RORA: variants seen among roughly 807,000 people sequenced by gnomAD.
RORA encodes nuclear receptor ROR-alpha.
A neutral mutation model predicts 69.5 loss-of-function variants in RORA; 7 were observed. The ratio of observed to expected loss-of-function variants is 0.10; its 90% CI spans 0.06 to 0.19. RORA has a LOEUF of 0.19. Among genes scored for constraint, RORA ranks in the 10% least tolerant of loss-of-function variants. The pLI is 1.00. For synonymous variants in RORA, 261 were observed against 240.8 expected (o/e 1.08, Z -0.78); for missense variants, 457 against 663.0 (o/e 0.69, Z 3.41).
At position 60,733,576 on chromosome 15, in the gene RORA, A is replaced by C. The variant is rs559050494; in HGVS notation, c.167-54890T>G. 2.0e-4 allele frequency among the ~76,000 whole-genome samples: 30 copies of C among 152,194 alleles called. 1 individual carries two copies. The highest frequency in any genetic ancestry group is 2.0e-3 in the Admixed American group (30 of 15,270). On this transcript the variant is annotated intron_variant, in intron 1 of 10. Coordinates refer to ENST00000335670, the MANE Select transcript of RORA (RefSeq NM_134261.3). Reference sequence around the variant, plus strand: ...AAGAGGATATTCCCCATGAATAAGTACTGAGGAAGAAAAAAGACCATGATC... The same window carrying C: ...AAGAGGATATTCCCCATGAATAAGTCCTGAGGAAGAAAAAAGACCATGATC...
chr15:61,043,306 C>G (rs1896872054), intron 1 of RORA, among the ~76,000 whole-genome samples: 2 of 152,158 alleles, frequency 1.3e-5, no homozygotes, highest in South Asian at 2.1e-4. Flanking sequence ...GAGTACAGGA[C>G]AAATTGGACT....
intron 5 of RORA, among the ~76,000 whole-genome samples, chr15:60,509,397 G>C (rs1298629196): frequency 6.6e-6 from 1 of 152,168 alleles, no homozygotes; most frequent in Admixed American, 6.5e-5. Context: ...CAAGCATGAG[G>C]GGGCAGGGCT....
chr15:60,964,693 G>A (rs192437870), intron 1 of RORA, among the ~76,000 whole-genome samples: 1 of 152,218 alleles, frequency 6.6e-6, no homozygotes, highest in Non-Finnish European at 1.5e-5. Context: ...ACTGTGGCCT[G>A]AGCAGTTGCC....
intron 1 of RORA, among the ~76,000 whole-genome samples, chr15:60,707,750 T>G (rs1015033206): frequency 6.6e-6 from 1 of 152,176 alleles, no homozygotes; most frequent in Admixed American, 6.6e-5. Flanking sequence ...CGTTGACCTC[T>G]TCCTCTCCCA....
chr15:61,069,249 T>C (rs546456260), intron 1 of RORA, among the ~76,000 whole-genome samples: 2 of 152,290 alleles, frequency 1.3e-5, no homozygotes, highest in Admixed American at 1.3e-4. Flanking sequence ...CTTAAATAAA[T>C]AAACTAGTTG....
At chr15:60,962,419 C>T (rs1324776162) in intron 1 of RORA, among the ~76,000 whole-genome samples, 2 of 152,212 alleles carry the variant, frequency 1.3e-5, no homozygotes, top group Non-Finnish European at 2.9e-5. Context: ...AGAAGGTTCT[C>T]AGACAGTGTC....
rs150535579 is a variant in RORA at position 61,128,587 on chromosome 15, C to T, written c.166+100466G>A. On this transcript the variant is annotated intron_variant, in intron 1 of 10. Coordinates refer to ENST00000335670, the MANE Select transcript of RORA (RefSeq NM_134261.3). This position sits in a 1 kb window ranked among gnomAD's most constrained non-coding sequence, Gnocchi z 4.5. ...AGAGAGAAATCCTGGGGTGTGCAAT[C>T]GATGTTGTCACATATATTCCCATGG... Among the ~76,000 whole-genome samples, 191 of 152,238 alleles carry T rather than the reference C, an allele frequency of 1.3e-3. 1 individual carries two copies. The highest frequency in any genetic ancestry group is 4.2e-3 in the African/African-American group (176 of 41,530).
chr15:61,008,651 G>T (rs573817027), intron 1 of RORA, among the ~76,000 whole-genome samples: 1 of 151,984 alleles, frequency 6.6e-6, no homozygotes, highest in African/African-American at 2.4e-5. Context: ...AAAAAAATGC[G>T]CATGTAGATG....
chr15:60,534,752 C>T lies in RORA; in HGVS notation c.197-2901G>A, dbSNP rs749458848. Among the ~76,000 whole-genome samples, 1 of 152,134 alleles carries T rather than the reference C, an allele frequency of 6.6e-6. No homozygotes were observed. Among genetic ancestry groups the T allele is most frequent in the Non-Finnish European group, 1.5e-5 (1 of 68,028 alleles). ...GACTAAAATCCTCCTACTCCAAAAGCAAACCCTCTGAATGTGATCTGATCA... is the reference window on the plus strand; with the variant it reads ...GACTAAAATCCTCCTACTCCAAAAGTAAACCCTCTGAATGTGATCTGATCA... On this transcript the variant is annotated intron_variant, in intron 2 of 10. Transcript: ENST00000335670. This position sits in a 1 kb window ranked among gnomAD's most constrained non-coding sequence, Gnocchi z 5.0.
At chr15:60,643,125 C>A (rs2069974383) in intron 2 of RORA, among the ~76,000 whole-genome samples, 1 of 152,166 alleles carries the variant, frequency 6.6e-6, no homozygotes, top group South Asian at 2.1e-4. Flanking sequence ...CCACTGCACT[C>A]CATCAGCCTG....
chr15:61,188,698 TC>T (rs1484227859), intron 1 of RORA, among the ~76,000 whole-genome samples: 1 of 152,054 alleles, frequency 6.6e-6, no homozygotes, highest in African/African-American at 2.4e-5. Context: ...TCAAAGTCTT[TC>T]AAAACATGGG....
chr15:61,100,547 T>C (rs1674226316), intron 1 of RORA, among the ~76,000 whole-genome samples: 1 of 152,152 alleles, frequency 6.6e-6, no homozygotes, highest in Admixed American at 6.6e-5. Flanking sequence ...GGGCTATCTG[T>C]GGCTAGAGAG....
At chr15:61,036,935 T>C (rs1292393884) in intron 1 of RORA, among the ~76,000 whole-genome samples, 1 of 152,040 alleles carries the variant, frequency 6.6e-6, no homozygotes, top group Non-Finnish European at 1.5e-5. Context: ...CAGTAGGTCT[T>C]GGGGTATCTT....
intron 2 of RORA, among the ~76,000 whole-genome samples, chr15:60,646,491 A>G (rs906502941): frequency 2.6e-5 from 4 of 151,992 alleles, no homozygotes; most frequent in African/African-American, 9.7e-5. Context: ...CTAGTGAGAC[A>G]TGTGTCACTT....
At chr15:60,733,038 G>C (rs533047097) in intron 1 of RORA, among the ~76,000 whole-genome samples, 1 of 152,150 alleles carries the variant, frequency 6.6e-6, no homozygotes, top group Admixed American at 6.5e-5. Context: ...CCTGCTCTGC[G>C]GCCGGCCCCT....
chr15:61,070,208 G>A (rs1005583180), intron 1 of RORA, among the ~76,000 whole-genome samples: 5 of 152,020 alleles, frequency 3.3e-5, no homozygotes, highest in African/African-American at 1.2e-4. Flanking sequence ...CAAAAATGGC[G>A]ACCACACCTC....
chr15:60,508,311 G>A (rs764460780), intron 5 of RORA, among the ~76,000 whole-genome samples: 2 of 152,184 alleles, frequency 1.3e-5, no homozygotes, highest in Admixed American at 6.5e-5. Context: ...TACAGCCAGC[G>A]CCTCGATACT....
intron 1 of RORA, among the ~76,000 whole-genome samples, chr15:60,883,130 CAAAA>C (rs60074751): frequency 9.3e-5 from 4 of 43,092 alleles, no homozygotes; most frequent in African/African-American, 1.2e-4. Context: ...GACATCGTCT[CAAAA>C]AAAAAAAAAA....
chr15:60,665,723 G>A (rs954776215), intron 2 of RORA, among the ~76,000 whole-genome samples: 2 of 151,776 alleles, frequency 1.3e-5, no homozygotes, highest in African/African-American at 2.4e-5. Context: ...ACTGAGTCTC[G>A]CTGTGCAGTG....
Sources: gnomAD v4.1 joint callset for allele counts (sites outside exome capture counted in the v4.1 genomes callset) on GRCh38, gnomAD v4.1.1 for gene constraint, Gnocchi (gnomAD v3.1) non-coding constraint, MANE v1.5 for transcripts, NCBI Gene and HGNC (gene_info 2026-07-23, HGNC 2026-07-21) for gene names.